Variants in DNAH3 observed in about 807,000 individuals in gnomAD.
DNAH3 encodes axonemal beta dynein heavy chain 3.
In DNAH3, 332 loss-of-function variants were observed where a neutral mutation model predicts 432.5. The ratio of observed to expected loss-of-function variants is 0.77; its 90% confidence interval spans 0.70 to 0.84. The LOEUF (loss-of-function observed/expected upper bound fraction) is 0.84, where lower values mean the gene tolerates loss of function less well. Among genes scored for constraint, DNAH3 ranks in the 40% least tolerant of loss-of-function variants. The pLI, the probability that DNAH3 is intolerant of heterozygous loss-of-function variation, is 0.00. For missense variants in DNAH3, 4,861 were observed against 5,114.0 expected, an observed-to-expected ratio of 0.95 and a Z score of 1.51; for synonymous variants, 1,956 against 1,900.2, an observed-to-expected ratio of 1.03 and a Z score of -0.76.
exon 62 of DNAH3, chr16:20,933,173 A>G (rs1567479830): frequency 6.2e-7 from 1 of 1,613,438 alleles, no homozygotes; most frequent in Non-Finnish European, 8.5e-7. Flanking sequence ...CAGCTGGCAC[A>G]GTGAGGCCAC....
At chr16:21,050,323 A>G (rs974295073) in intron 29 of DNAH3, among the ~76,000 whole-genome samples, 1 of 152,260 alleles carries the variant, frequency 6.6e-6, no homozygotes, top group Non-Finnish European at 1.5e-5. Flanking sequence ...ATAAATGAAT[A>G]CATGCATACC....
At chr16:20,939,612 CAAAAAAA>C (rs35683068) in intron 59 of DNAH3, among the ~76,000 whole-genome samples, 1 of 97,638 alleles carries the variant, frequency 1.0e-5, no homozygotes, top group Non-Finnish European at 2.1e-5. Flanking sequence ...GACTCTGTCT[CAAAAAAA>C]AAAAAAAAAA....
At chr16:21,120,742 G>A (rs2092319088) in exon 11 of DNAH3, 1 of 1,610,606 alleles carries the variant, frequency 6.2e-7, no homozygotes, top group Non-Finnish European at 8.5e-7. Flanking sequence ...CCTGGTACCT[G>A]CCATTGCAGT....
chr16:21,024,739 T>A, intron 38 of DNAH3, 38 bp from the exon 39 acceptor site: 1 of 1,481,416 alleles, frequency 6.8e-7, no homozygotes, highest in Non-Finnish European at 9.4e-7. Flanking sequence ...TGCTCGCTTC[T>A]TTGTTACTAA....
At chr16:21,097,174 C>T (rs557764850) in intron 18 of DNAH3, among the ~76,000 whole-genome samples, 181 bp downstream of exon 18, 2 of 152,330 alleles carry the variant, frequency 1.3e-5, no homozygotes, top group South Asian at 4.1e-4. Flanking sequence ...CTGGCTCTTT[C>T]TCCACCTTCC....
chr16:21,061,622 C>A (rs2090364799), intron 25 of DNAH3, among the ~76,000 whole-genome samples: 2 of 152,200 alleles, frequency 1.3e-5, no homozygotes, highest in African/African-American at 4.8e-5. Context: ...TAAATTGCAT[C>A]TTTTAAATGA....
intron 20 of DNAH3, among the ~76,000 whole-genome samples, chr16:21,076,059 C>T (rs1231856483): frequency 6.6e-6 from 1 of 152,050 alleles, no homozygotes; most frequent in Non-Finnish European, 1.5e-5. Flanking sequence ...GGTTTCTCAC[C>T]CTTGGCACCG....
chr16:20,952,948 G>A (rs1409690266), intron 55 of DNAH3, among the ~76,000 whole-genome samples: 1 of 151,996 alleles, frequency 6.6e-6, no homozygotes, highest in Admixed American at 6.6e-5. Context: ...TCCCCTCCTC[G>A]AGCTCACGGG....
At chr16:21,112,205 C>A in intron 12 of DNAH3, 107 bp from the exon 13 acceptor site, 1 of 744,858 alleles carries the variant, frequency 1.3e-6, no homozygotes, top group Non-Finnish European at 2.2e-6. Flanking sequence ...AAATGTAGCC[C>A]AAGCCAGGAA....
At chr16:21,122,989 G>A (rs771648465) in intron 9 of DNAH3, among the ~76,000 whole-genome samples, 1 of 151,880 alleles carries the variant, frequency 6.6e-6, no homozygotes, top group African/African-American at 2.4e-5. Context: ...GAATTTATAT[G>A]CGTATCTCAA....
Position 21,019,558 on chromosome 16 carries a change from TG to T in DNAH3, c.6022+65del, listed in dbSNP as rs565861882. Reference sequence around the variant, plus strand: ...AAAGGGCTCACCTGTCTGCACATTCTGGTTGTGTTTAGAACACGTAATTCCA... The same window carrying T: ...AAAGGGCTCACCTGTCTGCACATTCTGTTGTGTTTAGAACACGTAATTCCA... On this transcript the variant is annotated intron_variant, in intron 41 of 61. Coordinates refer to ENST00000261383, the Ensembl canonical transcript of DNAH3. 924 of 1,579,570 alleles carry T rather than the reference TG, an allele frequency of 5.8e-4. 3 individuals carry two copies. In the African/African-American group the frequency reaches 9.5e-3, roughly 16 times the overall value.
At chr16:21,111,777 T>G (rs770003571) in exon 14 of DNAH3, 9 of 1,613,810 alleles carry the variant, frequency 5.6e-6, no homozygotes, top group Non-Finnish European at 7.6e-6. Context: ...GCAATTTCAT[T>G]TCTCCGTTTC....
chr16:21,119,000 AG>A (rs1355558551), intron 11 of DNAH3, among the ~76,000 whole-genome samples: 1 of 152,198 alleles, frequency 6.6e-6, no homozygotes, highest in Non-Finnish European at 1.5e-5. Context: ...CAATTTAGAA[AG>A]GGGGAAAATC....
chr16:20,986,620 AAG>A (rs1269232191), intron 47 of DNAH3, among the ~76,000 whole-genome samples: 2 of 152,170 alleles, frequency 1.3e-5, no homozygotes, highest in African/African-American at 4.8e-5. Context: ...GTCCCCAGAA[AAG>A]ACAGTTGAAG....
intron 12 of DNAH3, among the ~76,000 whole-genome samples, chr16:21,115,439 G>T (rs141979204): frequency 0.014 from 2,172 of 151,826 alleles, 50 homozygotes; most frequent in African/African-American, 0.048. Context: ...AGGCAAGGTG[G>T]CTCACACCTG....
chr16:21,113,500 C>A (rs747454876), intron 12 of DNAH3, among the ~76,000 whole-genome samples: 2 of 152,028 alleles, frequency 1.3e-5, no homozygotes, highest in African/African-American at 4.8e-5. Context: ...TCACTGTAAC[C>A]CAGGCTGGAG....
intron 9 of DNAH3, among the ~76,000 whole-genome samples, chr16:21,124,526 T>G (rs1286860799): frequency 2.0e-5 from 3 of 152,248 alleles, no homozygotes; most frequent in Non-Finnish European, 4.4e-5. Context: ...TTTATGGTTT[T>G]ATACCTCTCT....
intron 48 of DNAH3, 91 bp downstream of exon 48, chr16:20,984,958 G>A (rs1330823754): frequency 1.8e-6 from 2 of 1,124,484 alleles, no homozygotes; most frequent in Non-Finnish European, 2.5e-6. Flanking sequence ...TCAACCCTGG[G>A]ACCATTGTAA....
At chr16:21,053,525 T>C (rs1458071149) in intron 28 of DNAH3, among the ~76,000 whole-genome samples, 2 of 152,194 alleles carry the variant, frequency 1.3e-5, no homozygotes, top group Admixed American at 6.6e-5. Context: ...CCAACCACAC[T>C]GGGGTACCCT....
Sources: gnomAD v4.1 joint callset for allele counts (sites outside exome capture counted in the v4.1 genomes callset) on GRCh38, gnomAD v4.1.1 for gene constraint, MANE v1.5 for transcripts, NCBI Gene and HGNC (gene_info 2026-07-23, HGNC 2026-07-21) for gene names.